PDE10A: variants seen among roughly 807,000 people sequenced by gnomAD.
PDE10A encodes cAMP and cAMP-inhibited cGMP 3',5'-cyclic phosphodiesterase 10A.
In PDE10A, 39 loss-of-function variants were observed where a neutral mutation model predicts 97.7. The ratio of observed to expected loss-of-function variants is 0.40; its 90% CI spans 0.31 to 0.52. The LOEUF is 0.52. PDE10A is among the 20% of genes least tolerant of loss of function. The pLI is 0.56. For missense variants in PDE10A, 731 were observed against 1,047.8 expected, an observed-to-expected ratio of 0.70 and a Z score of 4.17; for synonymous variants, 371 against 376.8, an observed-to-expected ratio of 0.98 and a Z score of 0.18.
At chr6:165,891,625 A>AGT (rs1396625859) in intron 1 of PDE10A, among the ~76,000 whole-genome samples, 1 of 151,968 alleles carries the variant, frequency 6.6e-6, no homozygotes, top group Non-Finnish European at 1.5e-5. Flanking sequence ...TCCTGGTCAC[A>AGT]GTCCTACTCC....
intron 1 of PDE10A, among the ~76,000 whole-genome samples, chr6:165,978,030 C>A (rs1455372356): frequency 6.6e-6 from 1 of 152,122 alleles, no homozygotes; most frequent in South Asian, 2.1e-4. Context: ...CCAGAGCAGG[C>A]AAATGAATTG....
chr6:165,418,748 A>G lies in PDE10A; in HGVS notation c.1683T>C (p.Asp561=). The change falls in exon 11 of 22, where the codon GAT becomes GAC. Residue 561 remains aspartate, a synonymous_variant. Coordinates refer to ENST00000539869, the MANE Select transcript of PDE10A (RefSeq NM_001385079.1). The surrounding 1 kb of genome is among the most constrained non-coding windows in gnomAD (Gnocchi z 4.8). ...GGTCCACCTGGAAAAGCGCACAACG[A>G]TCGGCATTCACCAGGTTTTTTGCAT... ...MIYAKNLVNA[D]RCALFQVDHK... 1 of 1,613,738 alleles carries G rather than the reference A, an allele frequency of 6.2e-7. No homozygotes were observed. The highest frequency in any genetic ancestry group is 8.5e-7 in the Non-Finnish European group (1 of 1,179,868).
intron 1 of PDE10A, among the ~76,000 whole-genome samples, chr6:165,614,933 C>G (rs1376985096): frequency 6.6e-6 from 1 of 151,664 alleles, no homozygotes; most frequent in African/African-American, 2.4e-5. Flanking sequence ...TAAAATAGGC[C>G]AGGCGCAGTG....
chr6:165,544,782 C>A (rs1276055683), intron 1 of PDE10A, among the ~76,000 whole-genome samples: 1 of 151,846 alleles, frequency 6.6e-6, no homozygotes, highest in African/African-American at 2.4e-5. Context: ...AGGAAAATGA[C>A]TTCTTTCAAT....
intron 1 of PDE10A, among the ~76,000 whole-genome samples, chr6:165,962,257 G>A (rs1384256356): frequency 6.6e-6 from 1 of 152,186 alleles, no homozygotes; most frequent in Non-Finnish European, 1.5e-5. Context: ...GAGACCTCAG[G>A]GGCCCCACTA....
intron 1 of PDE10A, among the ~76,000 whole-genome samples, chr6:165,698,057 A>G (rs1791482687): frequency 6.6e-6 from 1 of 152,350 alleles, no homozygotes; most frequent in South Asian, 2.1e-4. Context: ...AATCAATACC[A>G]TGAAGTGAAT....
intron 19 of PDE10A, among the ~76,000 whole-genome samples, chr6:165,340,469 C>A (rs1020782721): frequency 6.6e-6 from 1 of 152,204 alleles, no homozygotes; most frequent in African/African-American, 2.4e-5. Context: ...AGCATGGCTG[C>A]TGTTCCATTG....
chr6:165,528,038 C>A (rs1782554543), intron 2 of PDE10A, among the ~76,000 whole-genome samples: 1 of 152,176 alleles, frequency 6.6e-6, no homozygotes, highest in Admixed American at 6.5e-5. Flanking sequence ...CCTGGTTGTG[C>A]ACTTTGAATG....
At chr6:165,508,086 G>A (rs190900377) in intron 2 of PDE10A, among the ~76,000 whole-genome samples, 2 of 152,140 alleles carry the variant, frequency 1.3e-5, no homozygotes, top group South Asian at 4.1e-4. Context: ...TTTTATGAAT[G>A]TATACTTGAC....
intron 19 of PDE10A, among the ~76,000 whole-genome samples, chr6:165,341,673 C>T (rs1413658795): frequency 6.6e-6 from 1 of 152,172 alleles, no homozygotes; most frequent in Non-Finnish European, 1.5e-5. Context: ...ACGTATCAAG[C>T]AACTCAACTT....
At chr6:165,497,052 G>C in intron 2 of PDE10A, among the ~76,000 whole-genome samples, 1 of 151,778 alleles carries the variant, frequency 6.6e-6, no homozygotes, top group East Asian at 1.9e-4. Context: ...TGGATGGTTG[G>C]AAAATATAAA....
chr6:165,448,939 C>T lies in PDE10A; in HGVS notation c.1183G>A (p.Glu395Lys). 1.9e-6 allele frequency: 3 copies of T among 1,610,506 alleles called. No homozygotes were observed. The highest frequency in any genetic ancestry group is 2.5e-6 in the Non-Finnish European group (3 of 1,177,010). Residue 395 changes from glutamate (E) to lysine (K), a missense_variant, in exon 5 of 22, where the codon GAG (glutamate) becomes AAG (lysine). Coordinates refer to ENST00000539869, the MANE Select transcript of PDE10A (RefSeq NM_001385079.1). ...ATTTAGATACTTACATTATTGCACTCTCCAAGGAAATACAGTGCAAATCCA... is the reference window on the plus strand; with the variant it reads ...ATTTAGATACTTACATTATTGCACTTTCCAAGGAAATACAGTGCAAATCCA... The part of the protein sequence containing the change: ...ADGFALYFLG[E>K]CNNSLCIFTP...
intron 1 of PDE10A, among the ~76,000 whole-genome samples, chr6:165,632,228 T>G (rs1239869907): frequency 3.6e-5 from 5 of 139,302 alleles, no homozygotes; most frequent in Admixed American, 1.5e-4. Context: ...AAAAAGATAC[T>G]GAGTCTGAGA....
intron 2 of PDE10A, among the ~76,000 whole-genome samples, chr6:165,500,796 C>T (rs113701857): frequency 0.045 from 6,908 of 152,088 alleles, 497 homozygotes; most frequent in African/African-American, 0.16. Context: ...TAGAATGTCT[C>T]GGTGTAAAAC....
At chr6:165,364,871 C>T (rs1583121253) in intron 18 of PDE10A, among the ~76,000 whole-genome samples, 1 of 152,126 alleles carries the variant, frequency 6.6e-6, no homozygotes, top group East Asian at 1.9e-4. Context: ...ACCTCTACAT[C>T]AACAAGGAAA....
At chr6:165,703,870 C>A (rs573772659) in intron 1 of PDE10A, among the ~76,000 whole-genome samples, 5 of 152,194 alleles carry the variant, frequency 3.3e-5, no homozygotes, top group Admixed American at 6.5e-5. Flanking sequence ...CGAGTCTCCA[C>A]TGGGGGCTGG....
chr6:165,910,076 C>T (rs1782410270), intron 1 of PDE10A, among the ~76,000 whole-genome samples: 1 of 152,174 alleles, frequency 6.6e-6, no homozygotes, highest in South Asian at 2.1e-4. Context: ...CTAGTTTGTT[C>T]TTTGTTGTAT....
chr6:165,483,000 C>T lies in PDE10A; in HGVS notation c.995-657G>A, dbSNP rs115842832. Among the ~76,000 whole-genome samples the T allele has an allele frequency of 2.5e-3, 388 of 152,266 alleles. 2 individuals are homozygous for T. The highest frequency in any genetic ancestry group is 9.1e-3 in the African/African-American group (380 of 41,540). ...GGGCTGGCTACAGGCAAGAAGATGCCTGTGTGACCAACAGGGTATAAAACA... is the reference window on the plus strand; with the variant it reads ...GGGCTGGCTACAGGCAAGAAGATGCTTGTGTGACCAACAGGGTATAAAACA... On this transcript the variant is annotated intron_variant, in intron 2 of 21. Coordinates refer to ENST00000539869, the MANE Select transcript of PDE10A (RefSeq NM_001385079.1).
intron 3 of PDE10A, among the ~76,000 whole-genome samples, chr6:165,479,660 G>A (rs564574570): frequency 4.0e-4 from 61 of 152,168 alleles, no homozygotes; most frequent in African/African-American, 1.4e-3. Flanking sequence ...TAAATTTTCT[G>A]AACTGTTTCC....
Sources: gnomAD v4.1 joint callset for allele counts (sites outside exome capture counted in the v4.1 genomes callset) on GRCh38, gnomAD v4.1.1 for gene constraint, Gnocchi (gnomAD v3.1) non-coding constraint, MANE v1.5 for transcripts, NCBI Gene and HGNC (gene_info 2026-07-23, HGNC 2026-07-21) for gene names.